Variants in IL2RA observed in about 807,000 individuals in gnomAD.
The protein encoded by IL2RA is interleukin 2 receptor subunit alpha.
A neutral mutation model predicts 37.8 loss-of-function variants in IL2RA; 24 were observed. The ratio of observed to expected loss-of-function variants is 0.63; its 90% confidence interval spans 0.46 to 0.89. The LOEUF (loss-of-function observed/expected upper bound fraction) is 0.89, where lower values mean the gene tolerates loss of function less well. IL2RA is among the 40% of genes least tolerant of loss of function. IL2RA has a pLI of 0.00. For synonymous variants in IL2RA, 125 were observed against 114.6 expected (o/e 1.09, Z -0.58); for missense variants, 319 against 348.6 (o/e 0.92, Z 0.68).
At chr10:6,049,734 C>T (rs1839918388) in intron 1 of IL2RA, among the ~76,000 whole-genome samples, 1 of 152,222 alleles carries the variant, frequency 6.6e-6, no homozygotes, top group South Asian at 2.1e-4. Flanking sequence ...AGTGCCTGCA[C>T]AGAATGGCAT....
rs759891989 is a variant in IL2RA, at chr10:6,036,859, C to T, written c.65-10834G>A. 3.3e-5 allele frequency among the ~76,000 whole-genome samples: 5 copies of T among 152,148 alleles called. No homozygotes were observed. Among genetic ancestry groups the T allele is most frequent in the South Asian group, 4.1e-4 (2 of 4,830 alleles). On this transcript the variant is annotated intron_variant, in intron 1 of 7. Coordinates refer to ENST00000379959, the MANE Select transcript of IL2RA (RefSeq NM_000417.3). This position sits in a 1 kb window ranked among gnomAD's most constrained non-coding sequence, Gnocchi z 6.1. ...GTTGGCTGCTCTAGAGCCGGCAGGA[C>T]GGATGCTGAGGTTGTTCGCAGCAGC...
intron 1 of IL2RA, among the ~76,000 whole-genome samples, chr10:6,032,017 C>T (rs1485985637): frequency 1.3e-5 from 2 of 152,062 alleles, no homozygotes; most frequent in African/African-American, 4.8e-5. Flanking sequence ...TGAAACAGAG[C>T]AGAAAGTCCT....
rs770497805 is a variant in IL2RA at position 6,021,447 on chromosome 10, C to A, written c.583+31G>T. ...TGGTCAGCCTGATGGAGCAAAGCAA[C>A]ATTGTGGACCCCAGAAGGGAGCCAC... is the stretch of plus-strand genomic sequence containing the variant. On this transcript the variant is annotated intron_variant, in intron 4 of 7. Coordinates refer to ENST00000379959, the MANE Select transcript of IL2RA (RefSeq NM_000417.3). The surrounding 1 kb of genome is among the most constrained non-coding windows in gnomAD (Gnocchi z 4.9). 6.3e-7 allele frequency: 1 copy of A among 1,581,452 alleles called. No individual in the cohort carries two copies.
intron 1 of IL2RA, among the ~76,000 whole-genome samples, chr10:6,050,892 G>A (rs1839942578): frequency 6.6e-6 from 1 of 152,160 alleles, no homozygotes. Context: ...GAGAGGGAAA[G>A]TGAAACTGAT....
Position 6,048,167 on chromosome 10 carries a change from T to G in IL2RA, c.64+13921A>C, listed in dbSNP as rs1297319997. 6.6e-6 allele frequency among the ~76,000 whole-genome samples: 1 copy of G among 152,238 alleles called. No homozygotes were observed. Among genetic ancestry groups the G allele is most frequent in the Non-Finnish European group, 1.5e-5 (1 of 68,040 alleles). Reference sequence around the variant, plus strand: ...TGCCCGTCATGCATCACAGGAAGGCTGTCATGGGAGTCCTGAGGTGGGTGG... The same window carrying G: ...TGCCCGTCATGCATCACAGGAAGGCGGTCATGGGAGTCCTGAGGTGGGTGG... On this transcript the variant is annotated intron_variant, in intron 1 of 7. Coordinates refer to ENST00000379959, the MANE Select transcript of IL2RA (RefSeq NM_000417.3). This position sits in a 1 kb window ranked among gnomAD's most constrained non-coding sequence, Gnocchi z 5.3.
At position 6,010,749 on chromosome 10, in the gene IL2RA, C is replaced by T. The variant is rs1839179996; in HGVS notation, c.*2123G>A. 1 of 152,024 alleles carries T rather than the reference C, an allele frequency of 6.6e-6. No individual in the cohort carries two copies. Among genetic ancestry groups the T allele is most frequent in the South Asian group, 2.1e-4 (1 of 4,824 alleles). The allele number at this position is 152,024 out of a possible 1,614,324, so 9.4% of individuals were successfully genotyped here. ...TAGCAATAAATTTATTATATGTTAA[C>T]AGCAGAGTGATGACATCATCACGTA... is the stretch of plus-strand genomic sequence containing the variant. On this transcript the variant is annotated 3_prime_UTR_variant, in exon 8 of 8. Coordinates refer to ENST00000379959, the MANE Select transcript of IL2RA (RefSeq NM_000417.3).
chr10:6,034,933 C>T (rs185957359), intron 1 of IL2RA, among the ~76,000 whole-genome samples: 26 of 152,292 alleles, frequency 1.7e-4, no homozygotes, highest in East Asian at 1.2e-3. Flanking sequence ...AGTATTGGCA[C>T]GATTCTGGAT....
At position 6,033,359 on chromosome 10, in the gene IL2RA, G is replaced by A. The variant is rs551975885; in HGVS notation, c.65-7334C>T. Among the ~76,000 whole-genome samples, 7 of 152,032 alleles carry A rather than the reference G, an allele frequency of 4.6e-5. No homozygotes were observed. Among genetic ancestry groups the A allele is most frequent in the Admixed American group, 2.6e-4 (4 of 15,262 alleles). The stretch of plus-strand genomic sequence containing the variant: ...AAAAAAAGAAAGTATTTTTATTGAC[G>A]TTAAATATATACCTGCCCTACAATT... On this transcript the variant is annotated intron_variant, in intron 1 of 7. Transcript: ENST00000379959. This position sits in a 1 kb window ranked among gnomAD's most constrained non-coding sequence, Gnocchi z 4.3.
chr10:6,037,361 C>G (rs966198975), intron 1 of IL2RA, among the ~76,000 whole-genome samples: 2 of 152,056 alleles, frequency 1.3e-5, no homozygotes, highest in African/African-American at 2.4e-5. Context: ...AGATGTGGAC[C>G]GAGTCTGAGA....
rs772536566 is a variant in IL2RA at position 6,035,023 on chromosome 10, C to T, written c.65-8998G>A. 1.3e-5 allele frequency among the ~76,000 whole-genome samples: 2 copies of T among 152,142 alleles called. No individual in the cohort carries two copies. Among genetic ancestry groups the T allele is most frequent in the Non-Finnish European group, 2.9e-5 (2 of 68,020 alleles). On this transcript the variant is annotated intron_variant, in intron 1 of 7. Transcript: ENST00000379959. The surrounding 1 kb of genome is among the most constrained non-coding windows in gnomAD (Gnocchi z 5.4). ...GTGGGAAAATTTGAGATGATCAATT[C>T]GGGAGTTGGAGGTGGGGGTGTAGGG...
chr10:6,024,224 A>G lies in IL2RA; in HGVS notation c.367+20T>C, dbSNP rs201605377. On this transcript the variant is annotated intron_variant, in intron 3 of 7. Transcript: ENST00000379959. ...GGGTGCGCTAGCAGGAGTTAGCTGG[A>G]GGACAGATTCATCTCTCACCTGGAA... 3.3e-6 allele frequency: 5 copies of G among 1,515,208 alleles called. No individual in the cohort carries two copies. The East Asian group carries it at 1.1e-4, about 34-fold the overall frequency. The allele number at this position is 1,515,208 out of a possible 1,614,324, so 93.9% of individuals were successfully genotyped here.
rs866927743 is a variant in IL2RA, at chr10:6,022,202, G to A, written c.368-509C>T. Among the ~76,000 whole-genome samples, 3 of 152,262 alleles carry A rather than the reference G, an allele frequency of 2.0e-5. No homozygotes were observed. The highest frequency in any genetic ancestry group is 3.4e-3 in the Middle Eastern group (1 of 294). ...TGGGGGCAGCGGCTGGGCATCTTGGGATGATGTCGGAAGGATTGGGGACAA... is the reference window on the plus strand; with the variant it reads ...TGGGGGCAGCGGCTGGGCATCTTGGAATGATGTCGGAAGGATTGGGGACAA... On this transcript the variant is annotated intron_variant, in intron 3 of 7. Transcript: ENST00000379959. The surrounding 1 kb of genome is among the most constrained non-coding windows in gnomAD (Gnocchi z 4.7).
At position 6,056,770 on chromosome 10, in the gene IL2RA, C is replaced by T. The variant is rs1023707833; in HGVS notation, c.64+5318G>A. 2.6e-5 allele frequency among the ~76,000 whole-genome samples: 4 copies of T among 152,158 alleles called. No homozygotes were observed. The highest frequency in any genetic ancestry group is 9.7e-5 in the African/African-American group (4 of 41,434). The stretch of plus-strand genomic sequence containing the variant: ...CTGTCCAAAAAAAAAAAAGATTCCC[C>T]TTTCTCTTCTCTCAGGGAATGGCCT... On this transcript the variant is annotated intron_variant, in intron 1 of 7. Coordinates refer to ENST00000379959, the MANE Select transcript of IL2RA (RefSeq NM_000417.3). The surrounding 1 kb of genome is among the most constrained non-coding windows in gnomAD (Gnocchi z 5.0).
intron 1 of IL2RA, among the ~76,000 whole-genome samples, chr10:6,052,140 A>G (rs1431777482): frequency 6.6e-6 from 1 of 152,076 alleles, no homozygotes; most frequent in African/African-American, 2.4e-5. Flanking sequence ...GGAAAACTCT[A>G]CATCCTCTGT....
intron 1 of IL2RA, among the ~76,000 whole-genome samples, chr10:6,039,099 A>G (rs912067822): frequency 2.0e-5 from 3 of 152,378 alleles, no homozygotes; most frequent in Non-Finnish European, 4.4e-5. Flanking sequence ...TGCTTAAAGC[A>G]TAAATGCTCC....
intron 1 of IL2RA, among the ~76,000 whole-genome samples, chr10:6,055,802 T>C (rs1419918641): frequency 1.0e-4 from 3 of 29,838 alleles, no homozygotes; most frequent in Non-Finnish European, 1.4e-4. Context: ...GCCCCCCACC[T>C]CCCGGACGGG....
At position 6,020,347 on chromosome 10, in the gene IL2RA, G is replaced by T. The variant is rs900652415; in HGVS notation, c.584-406C>A. Among the ~76,000 whole-genome samples the T allele has an allele frequency of 2.6e-5, 4 of 152,142 alleles. No individual in the cohort carries two copies. The highest frequency in any genetic ancestry group is 2.6e-4 in the Admixed American group (4 of 15,262). Reference sequence around the variant, plus strand: ...CCAGGCTCTCCACTTCTCCTGAGGGGTCAGCAACCCTGGCTCTGCCCTGCC... The same window carrying T: ...CCAGGCTCTCCACTTCTCCTGAGGGTTCAGCAACCCTGGCTCTGCCCTGCC... On this transcript the variant is annotated intron_variant, in intron 4 of 7. Transcript: ENST00000379959. The surrounding 1 kb of genome is among the most constrained non-coding windows in gnomAD (Gnocchi z 5.6).
In IL2RA at chr10:6,057,264, G is replaced by A. The variant is rs1319823219; in HGVS notation, c.64+4824C>T. On this transcript the variant is annotated intron_variant, in intron 1 of 7. Transcript: ENST00000379959. This position sits in a 1 kb window ranked among gnomAD's most constrained non-coding sequence, Gnocchi z 4.8. ...AGTTTTTGCGTTGACACCTGCAACT[G>A]CAGCAATTACAGAAGCAGTGGGTCA... 6.6e-6 allele frequency among the ~76,000 whole-genome samples: 1 copy of A among 152,204 alleles called. No individual in the cohort carries two copies. The highest frequency in any genetic ancestry group is 1.5e-5 in the Non-Finnish European group (1 of 68,032).
chr10:6,017,500 A>G (rs1839299118), intron 7 of IL2RA, among the ~76,000 whole-genome samples: 1 of 151,814 alleles, frequency 6.6e-6, no homozygotes, highest in African/African-American at 2.4e-5. Flanking sequence ...TAAAACAAGC[A>G]TCAAGCCTGG....
Sources: gnomAD v4.1 joint callset for allele counts (sites outside exome capture counted in the v4.1 genomes callset) on GRCh38, gnomAD v4.1.1 for gene constraint, Gnocchi (gnomAD v3.1) non-coding constraint, MANE v1.5 for transcripts, NCBI Gene and HGNC (gene_info 2026-07-23, HGNC 2026-07-21) for gene names.